TJP1: variants seen among roughly 807,000 people sequenced by gnomAD.
The protein encoded by TJP1 is tight junction protein 1, also known as tight junction protein ZO-1.
Under a neutral mutation model 194.2 loss-of-function variants are expected in TJP1, and 43 were observed. That is an observed-to-expected ratio of 0.22 (90% CI 0.17 to 0.29). TJP1 has a LOEUF of 0.29. Among genes scored for constraint, TJP1 ranks in the 10% least tolerant of loss-of-function variants. TJP1 has a pLI of 1.00. For missense variants in TJP1, 1,971 were observed against 2,185.7 expected (o/e 0.90, Z 1.96); for synonymous variants, 801 against 779.0 (o/e 1.03, Z -0.47).
intron 8 of TJP1, among the ~76,000 whole-genome samples, chr15:29,751,183 C>T (rs1182648518): frequency 6.6e-6 from 1 of 152,180 alleles, no homozygotes; most frequent in Non-Finnish European, 1.5e-5. Context: ...AGATACAGGG[C>T]TGGTACTTGG....
chr15:29,959,115 G>A (rs990057937), intron 1 of TJP1, among the ~76,000 whole-genome samples: 3 of 151,040 alleles, frequency 2.0e-5, no homozygotes, highest in Non-Finnish European at 2.9e-5. Context: ...TCAGCCTCCC[G>A]GGCAGCTGGG....
chr15:29,725,646 A>G (rs1229728824), intron 18 of TJP1, among the ~76,000 whole-genome samples: 1 of 152,136 alleles, frequency 6.6e-6, no homozygotes, highest in African/African-American at 2.4e-5. Context: ...AAATAAACAG[A>G]CCTTCCCATC....
intron 8 of TJP1, among the ~76,000 whole-genome samples, chr15:29,746,416 T>C (rs1161752173): frequency 6.6e-6 from 1 of 150,618 alleles, no homozygotes; most frequent in East Asian, 1.9e-4. Flanking sequence ...CAAAACAAAA[T>C]GCCAAATAAG....
chr15:29,947,579 A>C (rs1409160504), intron 2 of TJP1, among the ~76,000 whole-genome samples: 1 of 152,144 alleles, frequency 6.6e-6, no homozygotes, highest in Non-Finnish European at 1.5e-5. Context: ...TTTCATCCCT[A>C]GGAGCCTGTG....
chr15:29,740,838 A>C (rs1595712742), intron 10 of TJP1, among the ~76,000 whole-genome samples: 1 of 151,960 alleles, frequency 6.6e-6, no homozygotes, highest in Non-Finnish European at 1.5e-5. Flanking sequence ...CCCCAAGGAA[A>C]CATCTGGCAA....
intron 1 of TJP1, among the ~76,000 whole-genome samples, chr15:29,806,795 A>G (rs1379951556): frequency 6.6e-6 from 1 of 152,234 alleles, no homozygotes; most frequent in Non-Finnish European, 1.5e-5. Context: ...CAAAGGGAAT[A>G]GTGCTACATG....
At chr15:29,743,679 A>C (rs1033033500) in intron 8 of TJP1, among the ~76,000 whole-genome samples, 4 of 152,190 alleles carry the variant, frequency 2.6e-5, no homozygotes, top group African/African-American at 9.7e-5. Flanking sequence ...GTGAGCTATG[A>C]TAGAGCCACT....
intron 18 of TJP1, 112 bp downstream of exon 18, chr15:29,726,267 C>A: frequency 1.1e-6 from 1 of 917,190 alleles, no homozygotes; most frequent in East Asian, 2.6e-5. Context: ...TAACTTTCCC[C>A]AAATTTCTCC....
chr15:29,941,390 T>C (rs1327516961), intron 2 of TJP1, among the ~76,000 whole-genome samples: 1 of 152,190 alleles, frequency 6.6e-6, no homozygotes, highest in African/African-American at 2.4e-5. Context: ...AAAATCCTTT[T>C]TCCCAAATAA....
intron 9 of TJP1, among the ~76,000 whole-genome samples, chr15:29,742,232 CAG>C (rs1057260447): frequency 1.3e-5 from 2 of 151,148 alleles, no homozygotes; most frequent in African/African-American, 4.9e-5. Flanking sequence ...AGCTGGGTGA[CAG>C]AGTGAGACTC....
intron 2 of TJP1, among the ~76,000 whole-genome samples, chr15:29,863,757 C>T (rs1442556233): frequency 1.3e-5 from 2 of 152,162 alleles, no homozygotes; most frequent in East Asian, 3.9e-4. Flanking sequence ...GGGTGATGTT[C>T]GTCTCTGGAC....
intron 3 of TJP1, among the ~76,000 whole-genome samples, chr15:29,772,999 C>A (rs914522936): frequency 2.0e-5 from 3 of 152,042 alleles, no homozygotes; most frequent in African/African-American, 7.2e-5. Context: ...AACTCCTGGT[C>A]TCAAGTGATC....
intron 2 of TJP1, among the ~76,000 whole-genome samples, chr15:29,888,702 G>A (rs563819636): frequency 6.6e-6 from 1 of 152,288 alleles, no homozygotes; most frequent in South Asian, 2.1e-4. Flanking sequence ...CGTACATCCT[G>A]AACCTACATT....
intron 2 of TJP1, among the ~76,000 whole-genome samples, chr15:29,883,920 A>G (rs1395155190): frequency 2.0e-5 from 3 of 152,250 alleles, no homozygotes; most frequent in Non-Finnish European, 4.4e-5. Flanking sequence ...AATTATCACA[A>G]TTTATATCCA....
At chr15:29,838,075 C>G (rs2152060664) in intron 2 of TJP1, among the ~76,000 whole-genome samples, 1 of 152,334 alleles carries the variant, frequency 6.6e-6, no homozygotes, top group Admixed American at 6.5e-5. Context: ...ATAGGCTACA[C>G]ATATATAAAA....
At chr15:29,768,931 C>T (rs890021408) in intron 4 of TJP1, among the ~76,000 whole-genome samples, 4 of 151,958 alleles carry the variant, frequency 2.6e-5, no homozygotes, top group African/African-American at 9.7e-5. Context: ...GAAAAAAATA[C>T]AACAGAGAGG....
At chr15:29,819,845 T>C (rs1172210549) in intron 1 of TJP1, among the ~76,000 whole-genome samples, 2 of 152,230 alleles carry the variant, frequency 1.3e-5, no homozygotes, top group Non-Finnish European at 2.9e-5. Flanking sequence ...GTAGTCTTTT[T>C]AGAGAAACAT....
At position 29,841,004 on chromosome 15, in the gene TJP1, C is replaced by T. The variant is rs374405253; in HGVS notation, c.307-40302G>A. 1.1e-4 allele frequency among the ~76,000 whole-genome samples: 16 copies of T among 152,146 alleles called. No homozygotes were observed. In the East Asian group the frequency reaches 1.2e-3, roughly 11 times the overall value. ...AACTGTGAACCAGAGAATAAGAGTTCCTGCATTTCAAAGTCCTTGAAGTAG... is the reference window on the plus strand; with the variant it reads ...AACTGTGAACCAGAGAATAAGAGTTTCTGCATTTCAAAGTCCTTGAAGTAG... On this transcript the variant is annotated intron_variant, in intron 2 of 28. Transcript: ENST00000356107.
chr15:29,722,189 A>C (rs1316357334), intron 18 of TJP1, among the ~76,000 whole-genome samples: 1 of 152,220 alleles, frequency 6.6e-6, no homozygotes, highest in African/African-American at 2.4e-5. Flanking sequence ...AACAGACAAA[A>C]CAATGGGGGA....
Sources: allele counts gnomAD v4.1 joint callset (sites outside exome capture counted in the v4.1 genomes callset), GRCh38; gene constraint gnomAD v4.1.1; transcripts MANE v1.5; gene names NCBI Gene and HGNC (gene_info 2026-07-23, HGNC 2026-07-21).